Variants in CRACD observed in about 807,000 individuals in gnomAD.
The protein encoded by CRACD is capping protein-inhibiting regulator of actin dynamics.
A neutral mutation model predicts 106.8 loss-of-function variants in CRACD; 56 were observed. That is an observed-to-expected ratio of 0.52 (90% CI 0.42 to 0.66). CRACD has a LOEUF of 0.66. CRACD is among the 30% of genes least tolerant of loss of function. The pLI, the probability that CRACD is intolerant of heterozygous loss-of-function variation, is 0.00. For synonymous variants in CRACD, 754 were observed against 670.8 expected, an observed-to-expected ratio of 1.12 and a Z score of -1.92; for missense variants, 1,730 against 1,623.2, an observed-to-expected ratio of 1.07 and a Z score of -1.13.
At chr4:56,248,576 GT>G (rs200848903) in intron 2 of CRACD, among the ~76,000 whole-genome samples, 13,911 of 146,970 alleles carry the variant, frequency 0.095, 1,710 homozygotes, top group East Asian at 0.56. Flanking sequence ...TTACCTATGT[GT>G]TTTTTTTTTA....
intron 5 of CRACD, among the ~76,000 whole-genome samples, chr4:56,310,204 A>G (rs1745045468): frequency 6.6e-6 from 1 of 151,934 alleles, no homozygotes; most frequent in African/African-American, 2.4e-5. Flanking sequence ...TTCTCAGCCC[A>G]GCTCTTTGCA....
chr4:56,106,437 T>G (rs1297337376), intron 1 of CRACD, among the ~76,000 whole-genome samples: 1 of 152,232 alleles, frequency 6.6e-6, no homozygotes, highest in Non-Finnish European at 1.5e-5. Flanking sequence ...GCACTCATCC[T>G]TATTGAAGGA....
rs1745279300 is a variant in CRACD at position 56,313,333 on chromosome 4, A to G, written c.491A>G (p.Lys164Arg). Residue 164 changes from lysine (K) to arginine (R), a missense_variant, in exon 7 of 11, where the codon AAG becomes AGG. Lys to Arg is a conservative substitution (Grantham distance 26). This residue lies in a region of CRACD where 1,620 missense variants were observed against 1,481.6 expected (regional missense o/e 1.09). Transcript: ENST00000682029. Reference sequence around the variant, plus strand: ...GCCGCCAAGCACAAGCTGGCTGTTAAGCCAAAAAAACAGAGGGTGTCAAAG... The same window carrying G: ...GCCGCCAAGCACAAGCTGGCTGTTAGGCCAAAAAAACAGAGGGTGTCAAAG... Reference protein sequence around the residue: ...NSAAKHKLAVKPKKQRVSKKH... With the variant: ...NSAAKHKLAVRPKKQRVSKKH... The G allele has an allele frequency of 6.2e-7, 1 of 1,614,080 alleles. No homozygotes were observed. Among genetic ancestry groups the G allele is most frequent in the African/African-American group, 1.3e-5 (1 of 74,942 alleles).
At chr4:56,100,870 A>G (rs1257195809) in intron 1 of CRACD, among the ~76,000 whole-genome samples, 1 of 152,218 alleles carries the variant, frequency 6.6e-6, no homozygotes, top group Non-Finnish European at 1.5e-5. Flanking sequence ...CAGCCCCAGC[A>G]AATGAATATC....
intron 1 of CRACD, among the ~76,000 whole-genome samples, chr4:56,071,581 C>T (rs1022005771): frequency 6.6e-6 from 1 of 151,450 alleles, no homozygotes. Flanking sequence ...ATCTCAGCAG[C>T]TCCCTGCAAC....
chr4:56,131,459 C>T (rs1734821295), intron 1 of CRACD, among the ~76,000 whole-genome samples: 1 of 151,030 alleles, frequency 6.6e-6, no homozygotes, highest in Non-Finnish European at 1.5e-5. Flanking sequence ...TAGGCAGGCA[C>T]AAATGGTATC....
At chr4:56,091,106 G>A (rs935973580) in intron 1 of CRACD, among the ~76,000 whole-genome samples, 7 of 151,930 alleles carry the variant, frequency 4.6e-5, no homozygotes, top group Non-Finnish European at 4.4e-5. Context: ...AGGGTGGGGC[G>A]CAGTATTGCA....
intron 1 of CRACD, among the ~76,000 whole-genome samples, chr4:56,067,812 A>G (rs1463001658): frequency 6.6e-6 from 1 of 152,150 alleles, no homozygotes; most frequent in African/African-American, 2.4e-5. Flanking sequence ...CTGACCTCAG[A>G]TGATCCACCT....
intron 6 of CRACD, 109 bp downstream of exon 6, chr4:56,310,843 G>A (rs1380599393): frequency 3.1e-6 from 2 of 651,918 alleles, no homozygotes; most frequent in Admixed American, 2.9e-5. Context: ...ATTCATAAAT[G>A]TTGCCTTCAT....
At chr4:56,316,768 T>C (rs967478123) in intron 8 of CRACD, 79 bp downstream of exon 8, 2 of 1,452,884 alleles carry the variant, frequency 1.4e-6, no homozygotes, top group Non-Finnish European at 1.9e-6. Flanking sequence ...CACACGCAGG[T>C]TCATGAGAAT....
In CRACD at chr4:56,253,375, G is replaced by A. The variant is rs148890792; in HGVS notation, c.-188-18946G>A. Among the ~76,000 whole-genome samples the A allele has an allele frequency of 7.6e-4, 116 of 152,216 alleles. 2 individuals are homozygous for A. In the East Asian group the frequency reaches 0.016, roughly 22 times the overall value. On this transcript the variant is annotated intron_variant, in intron 2 of 10. Transcript: ENST00000682029. ...CCTTAGTTTTTCAAAGAAACAGTTC[G>A]TAGAATTTATATCTAGGAGGGACCC...
At chr4:56,103,964 G>C (rs529192469) in intron 1 of CRACD, among the ~76,000 whole-genome samples, 1 of 152,234 alleles carries the variant, frequency 6.6e-6, no homozygotes, top group East Asian at 1.9e-4. Flanking sequence ...ACTAGAGACG[G>C]GGTTTCACCA....
intron 3 of CRACD, among the ~76,000 whole-genome samples, chr4:56,285,044 C>T (rs1194330976): frequency 6.6e-6 from 1 of 152,100 alleles, no homozygotes; most frequent in Non-Finnish European, 1.5e-5. Context: ...GTTGGGAGGC[C>T]TCAGGAAACT....
At chr4:56,189,309 T>C (rs544649660) in intron 2 of CRACD, among the ~76,000 whole-genome samples, 53 of 152,254 alleles carry the variant, frequency 3.5e-4, no homozygotes, top group Non-Finnish European at 6.2e-4. Context: ...CCATTATCCA[T>C]AGCATAACTC....
At position 56,314,381 on chromosome 4, in the gene CRACD, G is replaced by A. The variant is rs956352058; in HGVS notation, c.879G>A (p.Arg293=). The change falls in exon 8 of 11, where the codon CGG becomes CGA. Residue 293 remains arginine, a synonymous_variant. Coordinates refer to ENST00000682029, the MANE Select transcript of CRACD (RefSeq NM_001393381.1). This position sits in a 1 kb window ranked among gnomAD's most constrained non-coding sequence, Gnocchi z 4.4. ...AERAPREEQQ[R]SLEAPGWEDA... The stretch of plus-strand genomic sequence containing the variant: ...GGGCGCCGCGGGAAGAGCAGCAGCG[G>A]AGCCTGGAAGCGCCAGGTTGGGAGG... The A allele has an allele frequency of 2.0e-6, 3 of 1,492,048 alleles. No homozygotes were observed. The African/African-American group carries it at 4.3e-5, about 21-fold the overall frequency. 92.4% of individuals were successfully genotyped at this position (1,492,048 alleles called of 1,614,324 possible).
chr4:56,177,823 A>C (rs1348340764), intron 1 of CRACD, among the ~76,000 whole-genome samples: 1 of 152,094 alleles, frequency 6.6e-6, no homozygotes, highest in African/African-American at 2.4e-5. Flanking sequence ...GTCTCTAATG[A>C]GCCTTTTTAT....
At chr4:56,317,230 G>A (rs1259242567) in intron 8 of CRACD, among the ~76,000 whole-genome samples, 1 of 152,200 alleles carries the variant, frequency 6.6e-6, no homozygotes, top group Non-Finnish European at 1.5e-5. Flanking sequence ...CATTGACTAC[G>A]TCACTGCTAG....
At chr4:56,252,886 G>T (rs1379170227) in intron 2 of CRACD, among the ~76,000 whole-genome samples, 1 of 152,170 alleles carries the variant, frequency 6.6e-6, no homozygotes, top group Non-Finnish European at 1.5e-5. Context: ...GGACTTAAAA[G>T]GAACCCTGAG....
intron 1 of CRACD, among the ~76,000 whole-genome samples, chr4:56,111,284 A>G (rs1201683879): frequency 6.6e-6 from 1 of 152,200 alleles, no homozygotes; most frequent in African/African-American, 2.4e-5. Context: ...GCAATACAAC[A>G]CTGCATTCGA....
Sources: gnomAD v4.1 joint callset for allele counts (sites outside exome capture counted in the v4.1 genomes callset) on GRCh38, gnomAD v4.1.1 for gene constraint, gnomAD v4.1.1 regional missense constraint, Gnocchi (gnomAD v3.1) non-coding constraint, MANE v1.5 for transcripts, NCBI Gene and HGNC (gene_info 2026-07-23, HGNC 2026-07-21) for gene names.